The following SHANK2 variants were observed in gnomAD, a reference collection of about 807,000 sequenced individuals.
The protein encoded by SHANK2 is SH3 and multiple ankyrin repeat domains protein 2.
Under a neutral mutation model 133.7 loss-of-function variants are expected in SHANK2, and 43 were observed. That is an observed-to-expected ratio of 0.32 (90% CI 0.25 to 0.41). The LOEUF is 0.41. Among genes scored for constraint, SHANK2 ranks in the 10% least tolerant of loss-of-function variants. The probability of loss-of-function intolerance (pLI) is 1.00; values close to 1 mark genes in which losing one functional copy is unlikely to be tolerated. For synonymous variants in SHANK2, 1,017 were observed against 952.8 expected (o/e 1.07, Z -1.24); for missense variants, 1,994 against 2,235.8 (o/e 0.89, Z 2.18).
chr11:71,196,825 C>T (rs1191441244), intron 2 of SHANK2, among the ~76,000 whole-genome samples: 3 of 151,696 alleles, frequency 2.0e-5, no homozygotes, highest in Non-Finnish European at 2.9e-5. Context: ...TGGTGAAATC[C>T]CATCTCTACT....
At chr11:70,842,137 G>A (rs777551181) in intron 11 of SHANK2, among the ~76,000 whole-genome samples, 49 of 152,138 alleles carry the variant, frequency 3.2e-4, no homozygotes, top group African/African-American at 6.3e-4. Flanking sequence ...CAATATTGGC[G>A]ATATCTGAAA....
At chr11:71,108,505 C>T (rs1025745183) in intron 6 of SHANK2, among the ~76,000 whole-genome samples, 50 of 152,160 alleles carry the variant, frequency 3.3e-4, no homozygotes, top group Non-Finnish European at 4.4e-5. Context: ...TCCCTTTCCC[C>T]TCTCCCCTTC....
intron 17 of SHANK2, among the ~76,000 whole-genome samples, chr11:70,628,020 T>C (rs1291520970): frequency 6.6e-6 from 1 of 152,200 alleles, no homozygotes; most frequent in African/African-American, 2.4e-5. Flanking sequence ...AGTGCAATGG[T>C]GTGAGCTTGG....
chr11:70,937,696 T>G (rs1950590730), intron 10 of SHANK2, among the ~76,000 whole-genome samples: 2 of 152,252 alleles, frequency 1.3e-5, no homozygotes, highest in Non-Finnish European at 2.9e-5. Flanking sequence ...TTTTTTTTTT[T>G]TCTTGAGGGG....
intron 17 of SHANK2, among the ~76,000 whole-genome samples, chr11:70,601,097 G>A (rs58823958): frequency 0.021 from 3,133 of 151,398 alleles, 103 homozygotes; most frequent in African/African-American, 0.072. Flanking sequence ...CTGATGCCCA[G>A]GCTGAGCGCA....
intron 1 of SHANK2, among the ~76,000 whole-genome samples, chr11:71,249,218 G>A (rs144507975): frequency 6.6e-6 from 1 of 152,158 alleles, no homozygotes; most frequent in African/African-American, 2.4e-5. Context: ...GCAAGGGGTG[G>A]GGGACTCCAG....
At chr11:71,145,305 G>GA (rs368999155) in intron 3 of SHANK2, among the ~76,000 whole-genome samples, 24 of 151,568 alleles carry the variant, frequency 1.6e-4, no homozygotes, top group East Asian at 1.2e-3. Flanking sequence ...GAGCTAAAAA[G>GA]AAAAAAAAAG....
intron 11 of SHANK2, among the ~76,000 whole-genome samples, chr11:70,887,397 A>G (rs185912342): frequency 6.6e-6 from 1 of 152,102 alleles, no homozygotes; most frequent in East Asian, 1.9e-4. Context: ...GGGGACAGAA[A>G]CAGCATCACA....
At chr11:70,542,392 C>T (rs1268633627) in intron 17 of SHANK2, among the ~76,000 whole-genome samples, 1 of 152,142 alleles carries the variant, frequency 6.6e-6, no homozygotes, top group Non-Finnish European at 1.5e-5. Context: ...TACCGGGAGC[C>T]CCAGAGCTGG....
chr11:70,560,222 C>T (rs1196574252), intron 17 of SHANK2, among the ~76,000 whole-genome samples: 3 of 152,040 alleles, frequency 2.0e-5, no homozygotes, highest in East Asian at 1.9e-4. Flanking sequence ...CTGGACACCC[C>T]GGTGAGTAAT....
At chr11:70,514,462 AAG>A (rs2059241642) in intron 17 of SHANK2, among the ~76,000 whole-genome samples, 1 of 152,244 alleles carries the variant, frequency 6.6e-6, no homozygotes, top group African/African-American at 2.4e-5. Flanking sequence ...TACAAAATAA[AAG>A]ATGATTCTCC....
At chr11:71,139,354 G>C (rs1237812308) in intron 3 of SHANK2, among the ~76,000 whole-genome samples, 2 of 140,942 alleles carry the variant, frequency 1.4e-5, no homozygotes, top group African/African-American at 5.2e-5. Flanking sequence ...TGGATTAAAG[G>C]GGTAGGGGGA....
chr11:70,659,726 C>T, intron 17 of SHANK2, 102 bp downstream of exon 17: 4 of 1,449,670 alleles, frequency 2.8e-6, no homozygotes, highest in Admixed American at 1.8e-5. Flanking sequence ...TCCACAAGCA[C>T]CCCCAGACTG....
chr11:70,840,343 G>C (rs905735567), intron 11 of SHANK2, among the ~76,000 whole-genome samples: 1 of 152,242 alleles, frequency 6.6e-6, no homozygotes, highest in East Asian at 1.9e-4. Flanking sequence ...CCACCTGCGT[G>C]TTCTGGGTGC....
Position 71,137,239 on chromosome 11 carries a change from A to G in SHANK2, c.207+9881T>C, listed in dbSNP as rs145166681. On this transcript the variant is annotated intron_variant, in intron 3 of 25. Transcript: ENST00000601538. ...CAAGAAAACTTTTTGAAAAAAAGAA[A>G]GTTTTAGTCTTTTCTTTTTTTTTAA... is the stretch of plus-strand genomic sequence containing the variant. Among the ~76,000 whole-genome samples the G allele has an allele frequency of 5.7e-4, 79 of 138,734 alleles. 1 individual carries two copies. In the East Asian group the frequency reaches 0.015, roughly 27 times the overall value. 91.0% of individuals were successfully genotyped at this position (138,734 alleles called of 152,430 possible).
intron 21 of SHANK2, among the ~76,000 whole-genome samples, chr11:70,499,234 A>G (rs1409475828): frequency 6.6e-6 from 1 of 152,232 alleles, no homozygotes; most frequent in African/African-American, 2.4e-5. Flanking sequence ...TGGATCCCCC[A>G]GTGTGACCAG....
rs556018195 is a variant in SHANK2, at chr11:71,221,872, G to A, written c.-13+2825C>T. On this transcript the variant is annotated intron_variant, in intron 2 of 25. Transcript: ENST00000601538. ...TGCAGCCATGGCACGGGGGCGTGAG[G>A]TGCCCACAAGACAATGTTCATGATC... Among the ~76,000 whole-genome samples, 65 of 152,194 alleles carry A rather than the reference G, an allele frequency of 4.3e-4. 1 individual carries two copies. Among genetic ancestry groups the A allele is most frequent in the African/African-American group, 1.6e-3 (65 of 41,542 alleles).
chr11:71,074,193 GC>G (rs1297992362), intron 9 of SHANK2, among the ~76,000 whole-genome samples: 2 of 152,282 alleles, frequency 1.3e-5, no homozygotes, highest in Admixed American at 6.5e-5. Context: ...CCTTCCCGGT[GC>G]CCCCCAGGGT....
At chr11:70,863,742 G>A (rs1005882446) in intron 11 of SHANK2, 5 of 447,398 alleles carry the variant, frequency 1.1e-5, no homozygotes, top group African/African-American at 6.1e-5. Flanking sequence ...TACAGCTACA[G>A]AGAGTCTTTA....
Sources: allele counts gnomAD v4.1 joint callset (sites outside exome capture counted in the v4.1 genomes callset), GRCh38; gene constraint gnomAD v4.1.1; transcripts MANE v1.5; gene names NCBI Gene and HGNC (gene_info 2026-07-23, HGNC 2026-07-21).